NEK2: variants seen among roughly 807,000 people sequenced by gnomAD.
The protein encoded by NEK2 is serine/threonine-protein kinase Nek2.
NEK2 carries 28 observed loss-of-function variants against 54.1 expected under a neutral mutation model. That is an observed-to-expected ratio of 0.52 (90% CI 0.38 to 0.71). The LOEUF is 0.71. Among genes scored for constraint, NEK2 ranks in the 30% least tolerant of loss-of-function variants. The probability of loss-of-function intolerance (pLI) is 0.00; values close to 1 mark genes in which losing one functional copy is unlikely to be tolerated. For synonymous variants in NEK2, 176 were observed against 193.1 expected (o/e 0.91, Z 0.73); for missense variants, 407 against 531.5 (o/e 0.77, Z 2.30).
chr1:211,663,459 T>G lies in NEK2; in HGVS notation c.1305A>C (p.Gln435His). Residue 435 changes from glutamine (Q) to histidine (H), a missense_variant, in exon 8 of 8, where the codon CAA (glutamine) becomes CAC (histidine). Coordinates refer to ENST00000366999, the MANE Select transcript of NEK2 (RefSeq NM_002497.4). The stretch of plus-strand genomic sequence containing the variant: ...TGCCCAGGATCTGTCTGCTTTTCAG[T>G]TGGTAATTTTTCTCAATATCTGACA... ...QALSDIEKNY[Q>H]LKSRQILGMR 6.2e-7 allele frequency: 1 copy of G among 1,613,704 alleles called. No individual in the cohort carries two copies. Among genetic ancestry groups the G allele is most frequent in the African/African-American group, 1.3e-5 (1 of 75,028 alleles).
At chr1:211,674,854 C>T (rs1340904708) in intron 1 of NEK2, among the ~76,000 whole-genome samples, 2 of 152,146 alleles carry the variant, frequency 1.3e-5, no homozygotes, top group Non-Finnish European at 2.9e-5. Context: ...CCACCCCAGT[C>T]GTGTTTTCCC....
Position 211,669,197 on chromosome 1 carries a change from G to A in NEK2, c.901C>T (p.Pro301Ser), listed in dbSNP as rs1655280179. ...TTCAGTTTCAGCTCACTCAATACAG[G>A]GCTGGAATCCTGCGATTTTTCTGGC... Reference protein sequence around the residue: ...GEPEKSQDSSPVLSELKLKEI... With the variant: ...GEPEKSQDSSSVLSELKLKEI... The change falls in exon 6 of 8, where the codon CCT becomes TCT. Residue 301 changes from proline (P) to serine (S), a missense_variant. Transcript: ENST00000366999. 1.2e-6 allele frequency: 2 copies of A among 1,613,770 alleles called. No individual in the cohort carries two copies. The highest frequency in any genetic ancestry group is 2.7e-5 in the African/African-American group (2 of 74,874).
At chr1:211,660,604 C>T, downstream of NEK2, 1 of 641,424 alleles carries the variant, frequency 1.6e-6, no homozygotes, top group Non-Finnish European at 3.0e-6. Context: ...ACCATCAATG[C>T]CTGCCATATG....
chr1:211,675,351 C>T lies in NEK2; in HGVS notation c.96+33G>A, dbSNP rs375021365. On this transcript the variant is annotated intron_variant, in intron 1 of 7. Transcript: ENST00000366999. ...TCGCCCCGAGGCGACGAAACCTAAG[C>T]AGGGGCAGGCGCAGGGTAGGTCCCA... The T allele has an allele frequency of 3.1e-5, 50 of 1,597,800 alleles. No individual in the cohort carries two copies. The African/African-American group carries it at 5.6e-4, about 18-fold the overall frequency.
intron 6 of NEK2, 136 bp from the exon 7 acceptor site, chr1:211,667,367 T>C (rs1655214455): frequency 1.4e-6 from 1 of 737,652 alleles, no homozygotes; most frequent in Admixed American, 3.1e-5. Flanking sequence ...ATTCTCACTA[T>C]GCCTCAGTCA....
Position 211,667,182 on chromosome 1 carries a change from C to A in NEK2, c.1035G>T (p.Leu345=). 6.2e-6 allele frequency: 10 copies of A among 1,613,520 alleles called. No individual in the cohort carries two copies. Among genetic ancestry groups the A allele is most frequent in the Non-Finnish European group, 8.5e-6 (10 of 1,179,712 alleles). ...TCTTCAACAGATTTTCTGCTCTAGC[C>A]AGTTTGTCCTCTGCTAGTCTCTCAC... ...CVRERLAEDK[L]ARAENLLKNY... The change falls in exon 7 of 8, where the codon CTG becomes CTT. Residue 345 remains leucine (L), a synonymous_variant. Transcript: ENST00000366999.
At chr1:211,660,954 G>T (rs952903459), downstream of NEK2, 2 of 745,498 alleles carry the variant, frequency 2.7e-6, no homozygotes, top group Non-Finnish European at 5.0e-6. Flanking sequence ...CATCTACCAC[G>T]AGGAAGAAAG....
chr1:211,668,955 TAA>T (rs1655266437), intron 6 of NEK2, among the ~76,000 whole-genome samples, 156 bp downstream of exon 6: 1 of 152,234 alleles, frequency 6.6e-6, no homozygotes, highest in African/African-American at 2.4e-5. Context: ...GCCTGATTAT[TAA>T]AAAGTCTAAA....
At chr1:211,662,635 G>A (rs989874585), downstream of NEK2, 8 of 242,614 alleles carry the variant, frequency 3.3e-5, no homozygotes, top group Middle Eastern at 2.1e-3. This position sits in a 1 kb window ranked among gnomAD's most constrained non-coding sequence, Gnocchi z 4.2. Context: ...GAGGTAAAGC[G>A]CCATACAGTT....
downstream of NEK2, chr1:211,660,833 A>G (rs1655002254): frequency 2.8e-6 from 2 of 709,402 alleles, no homozygotes; most frequent in South Asian, 2.8e-5. Context: ...TTCAGCAGGC[A>G]GTAGATACAT....
In NEK2 at chr1:211,663,459, T is replaced by C. The variant is rs750289918; in HGVS notation, c.1305A>G (p.Gln435=). ...QALSDIEKNY[Q]LKSRQILGMR ...TGCCCAGGATCTGTCTGCTTTTCAG[T>C]TGGTAATTTTTCTCAATATCTGACA... Residue 435 remains glutamine, a synonymous_variant, in exon 8 of 8, where the codon CAA becomes CAG. Coordinates refer to ENST00000366999, the MANE Select transcript of NEK2 (RefSeq NM_002497.4). 68 of 1,613,586 alleles carry C rather than the reference T, an allele frequency of 4.2e-5. No homozygotes were observed. Among genetic ancestry groups the C allele is most frequent in the Non-Finnish European group, 5.0e-5 (59 of 1,179,752 alleles).
In NEK2 at chr1:211,669,257, T is replaced by G; in HGVS notation, c.841A>C (p.Arg281=). 6.2e-7 allele frequency: 1 copy of G among 1,614,176 alleles called. No individual in the cohort carries two copies. Among genetic ancestry groups the G allele is most frequent in the Non-Finnish European group, 8.5e-7 (1 of 1,180,000 alleles). ...TGTCGCCCTCTTCTCTCAAGATTTC[T>G]TCTTTGCTCGTCTGCAACCAAATCT... is the stretch of plus-strand genomic sequence containing the variant. ...IADLVADEQR[R]NLERRGRQLG... is the part of the protein sequence containing the mutation. The change falls in exon 6 of 8, where the codon AGA becomes CGA. Residue 281 remains arginine (R), a synonymous_variant. Coordinates refer to ENST00000366999, the MANE Select transcript of NEK2 (RefSeq NM_002497.4).
chr1:211,665,424 C>T (rs1282096290), intron 7 of NEK2, among the ~76,000 whole-genome samples: 2 of 152,160 alleles, frequency 1.3e-5, no homozygotes, highest in Non-Finnish European at 2.9e-5. Context: ...AACACATCAT[C>T]CTTACTTAGC....
At position 211,671,245 on chromosome 1, in the gene NEK2, T is replaced by C; in HGVS notation, c.595A>G (p.Ile199Val). 1 of 1,613,752 alleles carries C rather than the reference T, an allele frequency of 6.2e-7. No individual in the cohort carries two copies. Among genetic ancestry groups the C allele is most frequent in the African/African-American group, 1.3e-5 (1 of 75,048 alleles). The change falls in exon 4 of 8, where the codon ATC (isoleucine) becomes GTC (valine). Residue 199 changes from isoleucine to valine, a missense_variant. Coordinates refer to ENST00000366999, the MANE Select transcript of NEK2 (RefSeq NM_002497.4). ...TACAGCAAGCAGCCCAATGACCAGA[T>C]ATCTGATTTCTCATTGTAGGACATG... Reference protein sequence around the residue: ...NRMSYNEKSDIWSLGCLLYEL... With the variant: ...NRMSYNEKSDVWSLGCLLYEL...
At chr1:211,660,442 A>C (rs570231568), downstream of NEK2, 6 of 704,870 alleles carry the variant, frequency 8.5e-6, no homozygotes, top group East Asian at 2.0e-4. Flanking sequence ...CAGACACTGA[A>C]CCACCAGCCA....
chr1:211,674,841 A>C (rs1655526444), intron 1 of NEK2, among the ~76,000 whole-genome samples: 1 of 152,150 alleles, frequency 6.6e-6, no homozygotes, highest in Non-Finnish European at 1.5e-5. Flanking sequence ...TCCCTGCCCC[A>C]TTCCACCCCA....
intron 6 of NEK2, among the ~76,000 whole-genome samples, chr1:211,668,685 G>A (rs893400056): frequency 2.0e-5 from 3 of 152,062 alleles, no homozygotes; most frequent in Non-Finnish European, 4.4e-5. Context: ...CATACTGTAG[G>A]GTTTTAGACC....
chr1:211,665,620 A>G (rs945202365), intron 7 of NEK2, among the ~76,000 whole-genome samples: 1 of 152,174 alleles, frequency 6.6e-6, no homozygotes, highest in Non-Finnish European at 1.5e-5. Flanking sequence ...GTCTTTATGG[A>G]TGACAGTGTG....
In NEK2 at chr1:211,662,854, A is replaced by G; in HGVS notation, c.*572T>C. 1 of 985,584 alleles carries G rather than the reference A, an allele frequency of 1.0e-6. No homozygotes were observed. 61.1% of individuals were successfully genotyped at this position (985,584 alleles called of 1,614,324 possible). On this transcript the variant is annotated 3_prime_UTR_variant, in exon 8 of 8. Coordinates refer to ENST00000366999, the MANE Select transcript of NEK2 (RefSeq NM_002497.4). This position sits in a 1 kb window ranked among gnomAD's most constrained non-coding sequence, Gnocchi z 4.2. ...CAGCTCATATTCTGTTAAACAGAAA[A>G]AAAAAAAGAATACAAACATCACAGT...
Sources: allele counts gnomAD v4.1 joint callset (sites outside exome capture counted in the v4.1 genomes callset), GRCh38; gene constraint gnomAD v4.1.1; non-coding constraint Gnocchi (gnomAD v3.1); transcripts MANE v1.5; gene names NCBI Gene and HGNC (gene_info 2026-07-23, HGNC 2026-07-21).